NIPA1: variants seen among roughly 807,000 people sequenced by gnomAD.
The protein encoded by NIPA1 is NIPA magnesium transporter 1.
A neutral mutation model predicts 23.9 loss-of-function variants in NIPA1; 13 were observed. The ratio of observed to expected loss-of-function variants is 0.54; its 90% confidence interval spans 0.35 to 0.87. The LOEUF (loss-of-function observed/expected upper bound fraction) is 0.87. Among genes scored for constraint, NIPA1 ranks in the 40% least tolerant of loss-of-function variants. The pLI, the probability that NIPA1 is intolerant of heterozygous loss-of-function variation, is 0.01. For missense variants in NIPA1, 362 were observed against 429.7 expected (o/e 0.84, Z 1.39); for synonymous variants, 234 against 202.9 (o/e 1.15, Z -1.30).
At chr15:22,805,504 T>C (rs901949896) in intron 1 of NIPA1, among the ~76,000 whole-genome samples, 1 of 152,052 alleles carries the variant, frequency 6.6e-6, no homozygotes, top group Non-Finnish European at 1.5e-5. Context: ...CTGACCAATA[T>C]GGTGAAACCC....
intron 1 of NIPA1, among the ~76,000 whole-genome samples, chr15:22,797,070 C>T (rs1471798663): frequency 4.7e-5 from 7 of 149,794 alleles, no homozygotes; most frequent in Admixed American, 2.0e-4. Flanking sequence ...GATAAAGTCT[C>T]GCTCTGTCAC....
intron 1 of NIPA1, among the ~76,000 whole-genome samples, chr15:22,797,232 C>T (rs567436363): frequency 0.042 from 6,089 of 145,360 alleles, 434 homozygotes; most frequent in African/African-American, 0.15. Context: ...TTTTTTTGGA[C>T]GGAGTCTCGC....
chr15:22,786,461 G>C, upstream of NIPA1, among the ~76,000 whole-genome samples: 1 of 148,754 alleles, frequency 6.7e-6, no homozygotes, highest in Non-Finnish European at 1.5e-5. Flanking sequence ...CCTCACTGCC[G>C]CCGCGTCCGG....
chr15:22,786,362 G>C (rs147356553), upstream of NIPA1: 1,354 of 153,700 alleles, frequency 8.8e-3, 24 homozygotes, highest in African/African-American at 0.031. Context: ...AAGTATGCGT[G>C]TTTCTCCGCG....
intron 1 of NIPA1, among the ~76,000 whole-genome samples, chr15:22,788,054 C>T (rs1894746921): frequency 6.6e-6 from 1 of 152,156 alleles, no homozygotes; most frequent in African/African-American, 2.4e-5. Context: ...AGCCACACTT[C>T]AGGGAGCATC....
intron 1 of NIPA1, among the ~76,000 whole-genome samples, chr15:22,800,168 C>T (rs1895045523): frequency 6.6e-6 from 1 of 151,800 alleles, no homozygotes; most frequent in Non-Finnish European, 1.5e-5. Flanking sequence ...ATTACTCAAC[C>T]ACAACAACAA....
chr15:22,786,679 C>T lies in NIPA1; in HGVS notation c.23C>T (p.Ala8Val), dbSNP rs1182639089. 1.8e-6 allele frequency: 1 copy of T among 562,620 alleles called. No individual in the cohort carries two copies. Among genetic ancestry groups the T allele is most frequent in the Non-Finnish European group, 2.1e-6 (1 of 476,832 alleles). The allele number at this position is 562,620 out of a possible 1,614,324, so 34.9% of individuals were successfully genotyped here. A position where few individuals can be genotyped will look rare whatever the true frequency, so the allele number is the denominator to read the frequency against. Residue 8 changes from alanine to valine, a missense_variant, in exon 1 of 5, where the codon GCG becomes GTG. By Grantham distance (64) the Ala-to-Val change is moderately conservative. Transcript: ENST00000337435. MGTAAAA[A>V]AAAAAAAAGE... is the part of the protein sequence containing the mutation. ...GGAATGGGGACTGCAGCTGCGGCAGCGGCGGCGGCGGCGGCGGCGGCGGCC... is the reference window on the plus strand; with the variant it reads ...GGAATGGGGACTGCAGCTGCGGCAGTGGCGGCGGCGGCGGCGGCGGCGGCC...
chr15:22,815,090 G>A (rs1895390212), intron 3 of NIPA1, among the ~76,000 whole-genome samples: 1 of 151,878 alleles, frequency 6.6e-6, no homozygotes, highest in Non-Finnish European at 1.5e-5. Context: ...AATATGATGT[G>A]ATTTTTTTTT....
intron 3 of NIPA1, among the ~76,000 whole-genome samples, chr15:22,817,800 G>A (rs1378802558): frequency 8.9e-6 from 1 of 111,948 alleles, no homozygotes; most frequent in South Asian, 4.7e-4. Context: ...GCGAGACTGT[G>A]TCTCAAAGAA....
intron 1 of NIPA1, among the ~76,000 whole-genome samples, chr15:22,806,051 A>G (rs369939844): frequency 1.6e-4 from 25 of 152,024 alleles, no homozygotes; most frequent in East Asian, 1.6e-3. Flanking sequence ...AGCCTCCCGA[A>G]TAGCTGGGAC....
chr15:22,824,081 A>G lies in NIPA1; in HGVS notation c.832A>G (p.Ile278Val). ...FTTLVLLASA[I>V]LFREWSNVGL... The stretch of plus-strand genomic sequence containing the variant: ...CACGCTGGTCCTGCTGGCCTCAGCC[A>G]TCCTCTTCCGGGAGTGGAGCAACGT... The change falls in exon 5 of 5, where the codon ATC becomes GTC. Residue 278 changes from isoleucine to valine, a missense_variant. Physicochemically the swap from Ile to Val is conservative, Grantham distance 29. This residue lies in a region of NIPA1 where 277 missense variants were observed against 372.0 expected (regional missense o/e 0.74). Transcript: ENST00000337435. The surrounding 1 kb of genome is among the most constrained non-coding windows in gnomAD (Gnocchi z 4.1). 1 of 1,614,120 alleles carries G rather than the reference A, an allele frequency of 6.2e-7. No individual in the cohort carries two copies. The highest frequency in any genetic ancestry group is 1.3e-5 in the African/African-American group (1 of 75,046).
In NIPA1 at chr15:22,829,479, C is replaced by T. The variant is rs556130071; in HGVS notation, c.*5240C>T. 9 of 152,338 alleles carry T rather than the reference C, an allele frequency of 5.9e-5. No homozygotes were observed. The highest frequency in any genetic ancestry group is 1.4e-4 in the African/African-American group (6 of 41,398). The allele number at this position is 152,338 out of a possible 1,614,324, so 9.4% of individuals were successfully genotyped here. A position where few individuals can be genotyped will look rare whatever the true frequency, so the allele number is the denominator to read the frequency against. On this transcript the variant is annotated 3_prime_UTR_variant, in exon 5 of 5. Transcript: ENST00000337435. ...AGATACTGTTTTTCAGTGGCTTGAG[C>T]GTTTTGCCTTTTCAAAGGATAACTA... is the stretch of plus-strand genomic sequence containing the variant.
chr15:22,786,644 G>C lies in NIPA1; in HGVS notation c.-13G>C. On this transcript the variant is annotated 5_prime_UTR_variant, in exon 1 of 5. Transcript: ENST00000337435. ...GCGCGCAGGCGCAGGCTCGGAGGGCGGGCGCGGGCGGAATGGGGACTGCAG... is the reference window on the plus strand; with the variant it reads ...GCGCGCAGGCGCAGGCTCGGAGGGCCGGCGCGGGCGGAATGGGGACTGCAG... 2.0e-6 allele frequency: 2 copies of C among 1,001,398 alleles called. No homozygotes were observed. Among genetic ancestry groups the C allele is most frequent in the Non-Finnish European group, 1.2e-6 (1 of 832,302 alleles). 62.0% of individuals were successfully genotyped at this position (1,001,398 alleles called of 1,614,324 possible).
Position 22,786,717 on chromosome 15 carries a change from C to A in NIPA1, c.61C>A (p.Arg21Ser). ...AAAAAAGEGA[R>S]SPSPAAVSLG... ...GGCGGCGGCGGCCGGGGAGGGGGCGCGTAGCCCGAGCCCCGCCGCCGTGTC... is the reference window on the plus strand; with the variant it reads ...GGCGGCGGCGGCCGGGGAGGGGGCGAGTAGCCCGAGCCCCGCCGCCGTGTC... Residue 21 changes from arginine to serine, a missense_variant, in exon 1 of 5, where the codon CGT (arginine) becomes AGT (serine). Arg to Ser is a moderately radical substitution (Grantham distance 110). Coordinates refer to ENST00000337435, the MANE Select transcript of NIPA1 (RefSeq NM_144599.5). 1 of 1,200,662 alleles carries A rather than the reference C, an allele frequency of 8.3e-7. No individual in the cohort carries two copies. Among genetic ancestry groups the A allele is most frequent in the African/African-American group, 1.6e-5 (1 of 62,350 alleles). The allele number at this position is 1,200,662 out of a possible 1,614,324, so 74.4% of individuals were successfully genotyped here. A position where few individuals can be genotyped will look rare whatever the true frequency, so the allele number is the denominator to read the frequency against.
At chr15:22,807,357 A>G (rs576153978) in intron 1 of NIPA1, among the ~76,000 whole-genome samples, 2 of 152,198 alleles carry the variant, frequency 1.3e-5, no homozygotes, top group Non-Finnish European at 2.9e-5. Flanking sequence ...TAGGAGGGTC[A>G]CACAGTCCAG....
At chr15:22,795,878 T>C (rs961974548) in intron 1 of NIPA1, among the ~76,000 whole-genome samples, 3 of 152,138 alleles carry the variant, frequency 2.0e-5, no homozygotes, top group African/African-American at 7.2e-5. Context: ...TATTGTTCTC[T>C]CACCCTGCCC....
At chr15:22,804,919 C>G (rs916546679) in intron 1 of NIPA1, among the ~76,000 whole-genome samples, 4 of 152,078 alleles carry the variant, frequency 2.6e-5, no homozygotes, top group Non-Finnish European at 5.9e-5. Context: ...TCACTGCAAG[C>G]TCCGCCTCCT....
chr15:22,810,726 A>G (rs1160444339), intron 1 of NIPA1, 23 bp from the exon 2 acceptor site: 5 of 1,560,502 alleles, frequency 3.2e-6, no homozygotes, highest in South Asian at 1.1e-5. Context: ...CTTTTCTGAC[A>G]TTTTTTATCT....
intron 1 of NIPA1, among the ~76,000 whole-genome samples, chr15:22,798,658 C>T (rs1430534491): frequency 2.0e-5 from 3 of 149,280 alleles, no homozygotes; most frequent in Non-Finnish European, 4.5e-5. Flanking sequence ...ACCATCCTGG[C>T]CAACACGGTG....
Sources: gnomAD v4.1 joint callset for allele counts (sites outside exome capture counted in the v4.1 genomes callset) on GRCh38, gnomAD v4.1.1 for gene constraint, gnomAD v4.1.1 regional missense constraint, Gnocchi (gnomAD v3.1) non-coding constraint, MANE v1.5 for transcripts, NCBI Gene and HGNC (gene_info 2026-07-23, HGNC 2026-07-21) for gene names.